FRMD6: variants seen among roughly 807,000 people sequenced by gnomAD.
FRMD6 encodes the protein FERM domain containing 6.
Under a neutral mutation model 73.2 loss-of-function variants are expected in FRMD6, and 37 were observed. The observed-to-expected ratio is 0.51, with a 90% CI of 0.39 to 0.66. The LOEUF (loss-of-function observed/expected upper bound fraction) is 0.66. FRMD6 is among the 30% of genes least tolerant of loss of function. The pLI, the probability that FRMD6 is intolerant of heterozygous loss-of-function variation, is 0.00. For missense variants in FRMD6, 714 were observed against 780.5 expected (o/e 0.91, Z 1.02); for synonymous variants, 273 against 282.2 (o/e 0.97, Z 0.33).
At chr14:51,525,232 C>T (rs537735359) in intron 1 of FRMD6, among the ~76,000 whole-genome samples, 154 of 151,828 alleles carry the variant, frequency 1.0e-3, no homozygotes, top group African/African-American at 2.7e-3. Flanking sequence ...GAAGCTCAGA[C>T]TTGTTTTTTA....
Position 51,722,015 on chromosome 14 carries a change from G to T in FRMD6, c.1427G>T (p.Ser476Ile), listed in dbSNP as rs1337121052. The change falls in exon 12 of 14, where the codon AGC becomes ATC. Residue 476 changes from serine to isoleucine, a missense_variant. Physicochemically the swap from Ser to Ile is moderately radical, Grantham distance 142 (BLOSUM62 -2). Coordinates refer to ENST00000344768, the MANE Select transcript of FRMD6 (RefSeq NM_001267046.2). ...EQMNEESLEV[S>I]PDMCIYITED... ...ATGAATGAAGAGTCTCTGGAAGTCA[G>T]CCCAGACATGTGCATCTACATCACA... is the stretch of plus-strand genomic sequence containing the variant. 2 of 1,614,100 alleles carry T rather than the reference G, an allele frequency of 1.2e-6. No individual in the cohort carries two copies. The highest frequency in any genetic ancestry group is 8.5e-7 in the Non-Finnish European group (1 of 1,179,994).
intron 1 of FRMD6, among the ~76,000 whole-genome samples, chr14:51,517,926 A>G (rs1884725612): frequency 6.6e-6 from 1 of 152,142 alleles, no homozygotes; most frequent in African/African-American, 2.4e-5. Flanking sequence ...GACAAGCCTC[A>G]TTGTCCCTCC....
At chr14:51,471,824 A>T in the FRMD6 span, among the ~76,000 whole-genome samples, 1 of 152,224 alleles carries the variant, frequency 6.6e-6, no homozygotes, top group African/African-American at 2.4e-5. Context: ...GAAAATGAAA[A>T]ATAGGAAAAA....
At chr14:51,541,136 C>T (rs185022008) in intron 1 of FRMD6, among the ~76,000 whole-genome samples, 2 of 152,216 alleles carry the variant, frequency 1.3e-5, no homozygotes, top group Non-Finnish European at 2.9e-5. Context: ...TACTCATAGG[C>T]AAGTTTCCAG....
At chr14:51,661,779 T>C (rs1377712828) in intron 1 of FRMD6, among the ~76,000 whole-genome samples, 2 of 152,166 alleles carry the variant, frequency 1.3e-5, no homozygotes, top group African/African-American at 2.4e-5. Flanking sequence ...GAAAACCTTA[T>C]TGGAGTGGGT....
At chr14:51,422,123 A>G in the FRMD6 span, among the ~76,000 whole-genome samples, 1 of 152,216 alleles carries the variant, frequency 6.6e-6, no homozygotes, top group African/African-American at 2.4e-5. Context: ...ATATACCATA[A>G]TACAATTTAC....
At chr14:51,676,682 T>C (rs1051449425) in intron 1 of FRMD6, among the ~76,000 whole-genome samples, 1 of 152,120 alleles carries the variant, frequency 6.6e-6, no homozygotes, top group African/African-American at 2.4e-5. Context: ...CATAGAAGAG[T>C]GTTTGTAATG....
At chr14:51,426,008 A>G in the FRMD6 span, among the ~76,000 whole-genome samples, 2 of 151,826 alleles carry the variant, frequency 1.3e-5, no homozygotes, top group South Asian at 2.1e-4. Flanking sequence ...TGAACTTTAT[A>G]TATTTTTTCC....
chr14:51,653,939 G>A (rs1032362406), intron 1 of FRMD6, among the ~76,000 whole-genome samples: 4 of 152,154 alleles, frequency 2.6e-5, no homozygotes, highest in African/African-American at 4.8e-5. Context: ...TCTCCAGAAA[G>A]CAGACTGACT....
At chr14:51,454,270 A>C in the FRMD6 span, among the ~76,000 whole-genome samples, 2 of 152,346 alleles carry the variant, frequency 1.3e-5, no homozygotes, top group East Asian at 3.9e-4. Context: ...TTTTAAACAT[A>C]ACTTTGCTCT....
At position 51,683,273 on chromosome 14, in the gene FRMD6, A is replaced by T. The variant is rs1299169676; in HGVS notation, c.-146-6418A>T. Among the ~76,000 whole-genome samples the T allele has an allele frequency of 2.0e-5, 3 of 151,458 alleles. 1 individual carries two copies. Among genetic ancestry groups the T allele is most frequent in the Non-Finnish European group, 4.4e-5 (3 of 67,834 alleles). On this transcript the variant is annotated intron_variant, in intron 1 of 13. Coordinates refer to ENST00000344768, the MANE Select transcript of FRMD6 (RefSeq NM_001267046.2). Reference sequence around the variant, plus strand: ...ACCTGGCAACTCATGACTAGTTTTTATTTTTTTTATTTTTGAGACAGAGCC... The same window carrying T: ...ACCTGGCAACTCATGACTAGTTTTTTTTTTTTTTATTTTTGAGACAGAGCC...
the FRMD6 span, among the ~76,000 whole-genome samples, chr14:51,479,511 T>C: frequency 1.3e-5 from 2 of 152,218 alleles, no homozygotes; most frequent in African/African-American, 2.4e-5. Context: ...ACAAAATGAT[T>C]AGCAAACAAT....
At chr14:51,635,599 TA>T (rs1555329343) in intron 2 of FRMD6, among the ~76,000 whole-genome samples, 1 of 152,236 alleles carries the variant, frequency 6.6e-6, no homozygotes, top group Non-Finnish European at 1.5e-5. Context: ...AATTTTACCA[TA>T]AGGCAGATTA....
chr14:51,418,229 A>C, the FRMD6 span, among the ~76,000 whole-genome samples: 1 of 152,264 alleles, frequency 6.6e-6, no homozygotes, highest in East Asian at 1.9e-4. Context: ...GGAGGAGAAG[A>C]GGCTCTCTGG....
chr14:51,523,422 C>CGT lies in FRMD6; in HGVS notation c.-210+34002_-210+34003insGT, dbSNP rs1350585455. Among the ~76,000 whole-genome samples, 31 of 152,220 alleles carry CGT rather than the reference C, an allele frequency of 2.0e-4. No homozygotes were observed. In the East Asian group the frequency reaches 6.0e-3, roughly 29 times the overall value. ...TTAGCCTCTGTGGTCCTGGAAGGCACATATGCAGAACTGGGGCAACGCTGA... is the reference window on the plus strand; with the variant it reads ...TTAGCCTCTGTGGTCCTGGAAGGCACGTATATGCAGAACTGGGGCAACGCTGA... On this transcript the variant is annotated intron_variant, in intron 1 of 14. Coordinates refer to the FRMD6 transcript ENST00000356218.
chr14:51,665,123 T>G (rs1240423079), intron 1 of FRMD6, among the ~76,000 whole-genome samples: 1 of 152,230 alleles, frequency 6.6e-6, no homozygotes, highest in African/African-American at 2.4e-5. Flanking sequence ...TTAACATAGT[T>G]ATTTGCCAAC....
At chr14:51,486,121 G>A (rs1469164489), upstream of FRMD6, among the ~76,000 whole-genome samples, 3 of 150,876 alleles carry the variant, frequency 2.0e-5, no homozygotes, top group East Asian at 3.9e-4. Flanking sequence ...TGCAAGCTCC[G>A]CCTCCCGGGT....
chr14:51,397,430 A>T, the FRMD6 span, among the ~76,000 whole-genome samples: 2 of 152,198 alleles, frequency 1.3e-5, no homozygotes, highest in South Asian at 4.1e-4. Flanking sequence ...GCAGGTACAT[A>T]CCTAGAGCTT....
chr14:51,530,904 C>G (rs1287756905), intron 1 of FRMD6, among the ~76,000 whole-genome samples: 2 of 152,140 alleles, frequency 1.3e-5, no homozygotes, highest in Non-Finnish European at 2.9e-5. Context: ...TAACAAAATA[C>G]CTGAGACTGG....
Sources: gnomAD v4.1 joint callset for allele counts (sites outside exome capture counted in the v4.1 genomes callset) on GRCh38, gnomAD v4.1.1 for gene constraint, MANE v1.5 for transcripts, NCBI Gene and HGNC (gene_info 2026-07-23, HGNC 2026-07-21) for gene names.